Variants in COL27A1 observed in about 807,000 individuals in gnomAD.
COL27A1 encodes collagen alpha-1(XXVII) chain.
In COL27A1, 106 loss-of-function variants were observed where a neutral mutation model predicts 251.3. The observed-to-expected ratio is 0.42, with a 90% CI of 0.36 to 0.50. The LOEUF is 0.50. COL27A1 is among the 20% of genes least tolerant of loss of function. The probability of loss-of-function intolerance (pLI) is 0.00; values close to 1 mark genes in which losing one functional copy is unlikely to be tolerated. For missense variants in COL27A1, 2,325 were observed against 2,522.8 expected (o/e 0.92, Z 1.68); for synonymous variants, 1,000 against 986.3 (o/e 1.01, Z -0.26).
In COL27A1 at chr9:114,243,562, T is replaced by A; in HGVS notation, c.2934+2T>A. ...AGGCCCGGCCTGGATGGCGTGAAGG[T>A]GAGGGGACCTGGAGATCCCTGGGGA... On this transcript the variant is annotated splice_donor_variant, in intron 23 of 60. Transcript: ENST00000356083. LOFTEE classifies it high-confidence loss of function. 1 of 1,612,194 alleles carries A rather than the reference T, an allele frequency of 6.2e-7. No individual in the cohort carries two copies. Among genetic ancestry groups the A allele is most frequent in the Non-Finnish European group, 8.5e-7 (1 of 1,178,806 alleles).
At chr9:114,278,957 G>A (rs1456087276) in intron 37 of COL27A1, among the ~76,000 whole-genome samples, 1 of 152,130 alleles carries the variant, frequency 6.6e-6, no homozygotes, top group Non-Finnish European at 1.5e-5. Flanking sequence ...CGGACCCACA[G>A]CCTCACCCAC....
At chr9:114,266,494 C>A in intron 32 of COL27A1, 71 bp from the exon 33 acceptor site, 1 of 1,344,358 alleles carries the variant, frequency 7.4e-7, no homozygotes, top group Non-Finnish European at 1.1e-6. Context: ...CTCCCTCATT[C>A]ACCCCTCCAG....
intron 11 of COL27A1, among the ~76,000 whole-genome samples, chr9:114,210,513 C>T (rs1367462223): frequency 6.6e-6 from 1 of 152,112 alleles, no homozygotes; most frequent in Non-Finnish European, 1.5e-5. Context: ...CTAAGATTTC[C>T]TAAGACACCC....
intron 12 of COL27A1, among the ~76,000 whole-genome samples, chr9:114,212,687 A>G (rs906320600): frequency 3.9e-5 from 6 of 152,358 alleles, no homozygotes; most frequent in African/African-American, 1.2e-4. Flanking sequence ...GGCTTGGTTC[A>G]AATTTTCTGA....
chr9:114,181,817 C>T (rs941939697), intron 4 of COL27A1, among the ~76,000 whole-genome samples: 1 of 152,190 alleles, frequency 6.6e-6, no homozygotes, highest in Admixed American at 6.5e-5. Context: ...GCCCTGGACC[C>T]TGATCTCACT....
At chr9:114,196,042 C>A (rs372890267) in intron 7 of COL27A1, 30 bp downstream of exon 7, 7 of 1,601,828 alleles carry the variant, frequency 4.4e-6, no homozygotes, top group Non-Finnish European at 6.0e-6. Flanking sequence ...CTTTGCCTTG[C>A]GCAGTGGGCC....
At chr9:114,301,769 A>G in intron 55 of COL27A1, 52 bp downstream of exon 55, 7 of 1,538,184 alleles carry the variant, frequency 4.6e-6, no homozygotes, top group Non-Finnish European at 6.2e-6. Context: ...GTTCCTTTGA[A>G]GGAGATTCAA....
chr9:114,264,074 C>T (rs943416864), intron 28 of COL27A1, among the ~76,000 whole-genome samples: 1 of 152,220 alleles, frequency 6.6e-6, no homozygotes. Context: ...GGCTGGGTGA[C>T]CCCCAAGGTC....
chr9:114,207,039 G>A (rs1830015551), intron 10 of COL27A1, among the ~76,000 whole-genome samples: 2 of 152,156 alleles, frequency 1.3e-5, no homozygotes. Flanking sequence ...TCATGGCGGG[G>A]CCTGGATGGC....
chr9:114,253,484 A>C (rs1265077624), intron 27 of COL27A1, among the ~76,000 whole-genome samples: 1 of 151,794 alleles, frequency 6.6e-6, no homozygotes, highest in Non-Finnish European at 1.5e-5. Context: ...AAAAGAAAAG[A>C]AAGGAAGGAA....
intron 12 of COL27A1, among the ~76,000 whole-genome samples, chr9:114,213,823 C>A (rs1351210330): frequency 6.6e-6 from 1 of 152,164 alleles, no homozygotes; most frequent in Non-Finnish European, 1.5e-5. Context: ...TGAGCCTTGC[C>A]AGACTGAGAA....
chr9:114,301,754 G>C (rs1430286858), intron 55 of COL27A1, 37 bp downstream of exon 55: 3 of 1,597,028 alleles, frequency 1.9e-6, no homozygotes, highest in South Asian at 2.2e-5. Flanking sequence ...TTGGACTCCT[G>C]GGGGGTTCCT....
intron 10 of COL27A1, among the ~76,000 whole-genome samples, chr9:114,208,465 TA>T (rs943192761): frequency 1.3e-5 from 2 of 151,580 alleles, no homozygotes; most frequent in African/African-American, 2.4e-5. Flanking sequence ...TATATATAAA[TA>T]AAAAAATAAT....
Position 114,301,088 on chromosome 9 carries a change from T to A in COL27A1, c.4718T>A (p.Val1573Asp). 1 of 1,612,494 alleles carries A rather than the reference T, an allele frequency of 6.2e-7. No individual in the cohort carries two copies. Among genetic ancestry groups the A allele is most frequent in the Non-Finnish European group, 8.5e-7 (1 of 1,179,196 alleles). ...PPGLMGKEGI[V>D]GPLGILGPSG... ...CTCCTTTAGGGAAAGGAAGGCATCG[T>A]CGGGCCCCTCGGAATCCTGGGACCT... The change falls in exon 52 of 61, where the codon GTC becomes GAC. Residue 1573 changes from valine (V) to aspartate (D), a missense_variant. Val to Asp is a radical substitution (Grantham distance 152). Transcript: ENST00000356083.
At position 114,168,460 on chromosome 9, in the gene COL27A1, G is replaced by C; in HGVS notation, c.905G>C (p.Arg302Thr). 1 of 1,613,918 alleles carries C rather than the reference G, an allele frequency of 6.2e-7. No homozygotes were observed. Among genetic ancestry groups the C allele is most frequent in the African/African-American group, 1.3e-5 (1 of 75,050 alleles). ...VAPATPTKPQ[R>T]TSPTNPHQHM... is the part of the protein sequence containing the mutation. ...CCCGCCACGCCCACCAAGCCCCAAA[G>C]GACTAGCCCCACAAACCCTCACCAG... The change falls in exon 3 of 61, where the codon AGG (arginine) becomes ACG (threonine). Residue 302 changes from arginine (R) to threonine (T), a missense_variant. Arg to Thr is a moderately conservative substitution (Grantham distance 71). Transcript: ENST00000356083.
intron 5 of COL27A1, among the ~76,000 whole-genome samples, chr9:114,189,479 T>C (rs1828604917): frequency 6.6e-6 from 1 of 152,224 alleles, no homozygotes; most frequent in Non-Finnish European, 1.5e-5. Flanking sequence ...TGGCTATTTA[T>C]TCTATCAGAT....
intron 57 of COL27A1, chr9:114,306,102 G>C (rs1011847429): frequency 6.2e-6 from 1 of 161,394 alleles, no homozygotes; most frequent in Non-Finnish European, 1.4e-5. Flanking sequence ...GCCTCACAGA[G>C]ACCCTGGCTC....
chr9:114,157,943 G>A (rs781639315), intron 1 of COL27A1, among the ~76,000 whole-genome samples: 1 of 152,208 alleles, frequency 6.6e-6, no homozygotes, highest in African/African-American at 2.4e-5. Context: ...CTCAGTAAAC[G>A]GCAGCTGGTA....
chr9:114,188,251 T>C (rs1828523436), intron 5 of COL27A1, among the ~76,000 whole-genome samples: 1 of 152,182 alleles, frequency 6.6e-6, no homozygotes, highest in Non-Finnish European at 1.5e-5. Context: ...AGAAAAGTGG[T>C]GGTAACTTCC....
Sources: gnomAD v4.1 joint callset for allele counts (sites outside exome capture counted in the v4.1 genomes callset) on GRCh38, gnomAD v4.1.1 for gene constraint, MANE v1.5 for transcripts, NCBI Gene and HGNC (gene_info 2026-07-23, HGNC 2026-07-21) for gene names.